Variants in COLEC12 observed in about 807,000 individuals in gnomAD.
COLEC12 encodes the protein collectin subfamily member 12.
A neutral mutation model predicts 71.1 loss-of-function variants in COLEC12; 33 were observed. The ratio of observed to expected loss-of-function variants is 0.46; its 90% CI spans 0.35 to 0.62. COLEC12 has a LOEUF of 0.62. COLEC12 is among the 20% of genes least tolerant of loss of function. The probability of loss-of-function intolerance (pLI) is 0.00; values close to 1 mark genes in which losing one functional copy is unlikely to be tolerated. For missense variants in COLEC12, 765 were observed against 916.1 expected (o/e 0.84, Z 2.13); for synonymous variants, 350 against 353.0 (o/e 0.99, Z 0.10).
intron 2 of COLEC12, among the ~76,000 whole-genome samples, chr18:389,063 T>A (rs1309754165): frequency 2.0e-5 from 3 of 152,140 alleles, no homozygotes; most frequent in Non-Finnish European, 4.4e-5. Flanking sequence ...ATGGAAAAGA[T>A]GAGCTTGTTG....
chr18:397,129 G>A (rs1915588590), intron 2 of COLEC12, among the ~76,000 whole-genome samples: 1 of 152,184 alleles, frequency 6.6e-6, no homozygotes, highest in Non-Finnish European at 1.5e-5. Flanking sequence ...GAGATTTCCT[G>A]TCCTTCTGAT....
At chr18:436,910 TGTTA>T (rs1340305758) in intron 2 of COLEC12, among the ~76,000 whole-genome samples, 1 of 152,238 alleles carries the variant, frequency 6.6e-6, no homozygotes, top group Non-Finnish European at 1.5e-5. Context: ...AAAAAATATC[TGTTA>T]ATTAATTGAT....
intron 7 of COLEC12, 71 bp from the exon 8 acceptor site, chr18:331,848 T>A: frequency 2.2e-6 from 2 of 912,032 alleles, no homozygotes; most frequent in Admixed American, 2.1e-5. Context: ...TTCTTTTATT[T>A]AACATTTAGA....
In COLEC12 at chr18:500,544, G is replaced by C. The variant is rs1004186043; in HGVS notation, c.-30C>G. On this transcript the variant is annotated 5_prime_UTR_variant, in exon 1 of 10. Coordinates refer to ENST00000400256, the MANE Select transcript of COLEC12 (RefSeq NM_130386.3). The surrounding 1 kb of genome is among the most constrained non-coding windows in gnomAD (Gnocchi z 5.3). ...ACCGTGGGGACGCACCGCCGGCCGG[G>C]GAGCTCCGCGCGAGCGCCGCGCAGC... is the stretch of plus-strand genomic sequence containing the variant. The C allele has an allele frequency of 8.2e-7, 1 of 1,222,492 alleles. No homozygotes were observed. Among genetic ancestry groups the C allele is most frequent in the Non-Finnish European group, 1.0e-6 (1 of 982,144 alleles). 75.7% of individuals were successfully genotyped at this position (1,222,492 alleles called of 1,614,324 possible). A position where few individuals can be genotyped will look rare whatever the true frequency, so the allele number is the denominator to read the frequency against.
chr18:342,520 A>G (rs1914279382), intron 5 of COLEC12, among the ~76,000 whole-genome samples: 1 of 152,252 alleles, frequency 6.6e-6, no homozygotes, highest in African/African-American at 2.4e-5. Flanking sequence ...TGCAGATGCC[A>G]GCCCCACATA....
chr18:321,215 C>T (rs942311120), intron 9 of COLEC12, among the ~76,000 whole-genome samples: 9 of 152,034 alleles, frequency 5.9e-5, no homozygotes, highest in African/African-American at 1.9e-4. Context: ...CCACCATGCC[C>T]GGCTAATTTT....
At chr18:497,767 T>C (rs1917740630) in intron 1 of COLEC12, among the ~76,000 whole-genome samples, 1 of 152,258 alleles carries the variant, frequency 6.6e-6, no homozygotes, top group Non-Finnish European at 1.5e-5. Flanking sequence ...TCTATCATGT[T>C]GGCTTTCTGA....
At chr18:497,396 G>A (rs1389868136) in intron 1 of COLEC12, among the ~76,000 whole-genome samples, 5 of 100,022 alleles carry the variant, frequency 5.0e-5, no homozygotes, top group Non-Finnish European at 9.8e-5. Flanking sequence ...GTGTGTGTGT[G>A]TGTGTGTGTG....
intron 2 of COLEC12, among the ~76,000 whole-genome samples, chr18:444,744 A>G (rs1427086011): frequency 6.6e-6 from 1 of 152,248 alleles, no homozygotes; most frequent in African/African-American, 2.4e-5. Flanking sequence ...AAAAAGATGT[A>G]TCTGCAAACA....
At chr18:494,628 T>C (rs1917677240) in intron 1 of COLEC12, among the ~76,000 whole-genome samples, 1 of 152,224 alleles carries the variant, frequency 6.6e-6, no homozygotes, top group Non-Finnish European at 1.5e-5. Context: ...TTGTATTTTA[T>C]GAGATGGTTA....
intron 1 of COLEC12, among the ~76,000 whole-genome samples, chr18:483,086 T>C (rs182160340): frequency 6.6e-6 from 1 of 152,290 alleles, no homozygotes; most frequent in East Asian, 1.9e-4. Flanking sequence ...AATACTTGTT[T>C]GTTACAATGT....
chr18:342,350 T>A (rs1914274316), intron 5 of COLEC12, among the ~76,000 whole-genome samples: 1 of 152,338 alleles, frequency 6.6e-6, no homozygotes, highest in East Asian at 1.9e-4. Flanking sequence ...TGAACATCTA[T>A]CTCTACACTA....
In COLEC12 at chr18:317,646, A is replaced by AT. The variant is rs1387349463; in HGVS notation, c.*2398dup. Reference sequence around the variant, plus strand: ...AATACTAGTCTATCCTGATGACGGCATCAGATACTTATTTTCAAGTTTCTT... The same window carrying AT: ...AATACTAGTCTATCCTGATGACGGCATTCAGATACTTATTTTCAAGTTTCTT... On this transcript the variant is annotated 3_prime_UTR_variant, in exon 10 of 10. Coordinates refer to ENST00000400256, the MANE Select transcript of COLEC12 (RefSeq NM_130386.3). 5.2e-5 allele frequency: 8 copies of AT among 152,386 alleles called. No individual in the cohort carries two copies. Among genetic ancestry groups the AT allele is most frequent in the African/African-American group, 1.9e-4 (8 of 41,590 alleles). The allele number at this position is 152,386 out of a possible 1,614,324, so 9.4% of individuals were successfully genotyped here.
At position 327,867 on chromosome 18, in the gene COLEC12, C is replaced by T. The variant is rs1055064170; in HGVS notation, c.2063+3801G>A. On this transcript the variant is annotated intron_variant, in intron 8 of 9. Coordinates refer to ENST00000400256, the MANE Select transcript of COLEC12 (RefSeq NM_130386.3). The surrounding 1 kb of genome is among the most constrained non-coding windows in gnomAD (Gnocchi z 4.0). ...TGGAAGAGTTTAAGAAGAACTGGTG[C>T]TAACTCTTCTTTGAATGTTTGGTAG... Among the ~76,000 whole-genome samples, 9 of 152,260 alleles carry T rather than the reference C, an allele frequency of 5.9e-5. No homozygotes were observed. The highest frequency in any genetic ancestry group is 1.5e-5 in the Non-Finnish European group (1 of 68,050).
chr18:466,550 G>A (rs1031326079), intron 2 of COLEC12, among the ~76,000 whole-genome samples: 1 of 152,138 alleles, frequency 6.6e-6, no homozygotes, highest in Non-Finnish European at 1.5e-5. Flanking sequence ...CCACACACAG[G>A]CACTTTCAGG....
At chr18:368,416 C>T (rs1914901959) in intron 2 of COLEC12, among the ~76,000 whole-genome samples, 1 of 150,594 alleles carries the variant, frequency 6.6e-6, no homozygotes, top group Non-Finnish European at 1.5e-5. Flanking sequence ...CTACTAAAAA[C>T]ACAAAAAATT....
intron 2 of COLEC12, among the ~76,000 whole-genome samples, chr18:373,217 G>T (rs1262404544): frequency 1.3e-5 from 2 of 152,124 alleles, no homozygotes; most frequent in Non-Finnish European, 2.9e-5. Flanking sequence ...TTTGTATTTT[G>T]TCTACTTATC....
intron 2 of COLEC12, among the ~76,000 whole-genome samples, chr18:368,864 TCAAAAACAAAACAAAACAAAACA>T (rs1274554236): frequency 1.3e-5 from 2 of 152,052 alleles, no homozygotes; most frequent in Non-Finnish European, 1.5e-5. Flanking sequence ...AGACTCCGTC[TCAAAAACAAAACAAAACAAAACA>T]CAAAAACAAA....
At chr18:390,965 G>A (rs1915451246) in intron 2 of COLEC12, among the ~76,000 whole-genome samples, 1 of 152,228 alleles carries the variant, frequency 6.6e-6, no homozygotes, top group South Asian at 2.1e-4. Flanking sequence ...CTGTCAGGAA[G>A]TAACCAGGCA....
Sources: allele counts gnomAD v4.1 joint callset (sites outside exome capture counted in the v4.1 genomes callset), GRCh38; gene constraint gnomAD v4.1.1; non-coding constraint Gnocchi (gnomAD v3.1); transcripts MANE v1.5; gene names NCBI Gene and HGNC (gene_info 2026-07-23, HGNC 2026-07-21).